Variants in CYB5R4 observed in about 807,000 individuals in gnomAD.
CYB5R4 encodes the protein N-terminal cytochrome b5 and cytochrome b5 oxidoreductase domain-containing protein.
In CYB5R4, 55 loss-of-function variants were observed where a neutral mutation model predicts 70.2. That is an observed-to-expected ratio of 0.78 (90% CI 0.63 to 0.98). The LOEUF is 0.98. Among genes scored for constraint, CYB5R4 ranks in the 50% least tolerant of loss-of-function variants. The pLI is 0.00. For synonymous variants in CYB5R4, 197 were observed against 199.5 expected, an observed-to-expected ratio of 0.99 and a Z score of 0.11; for missense variants, 562 against 612.6, an observed-to-expected ratio of 0.92 and a Z score of 0.87.
At chr6:83,887,528 A>G (rs1334089512) in intron 2 of CYB5R4, among the ~76,000 whole-genome samples, 1 of 152,172 alleles carries the variant, frequency 6.6e-6, no homozygotes, top group Non-Finnish European at 1.5e-5. Context: ...ATTGTTCTGA[A>G]TATGTGTTTT....
chr6:83,904,269 T>A (rs2099463421), intron 3 of CYB5R4, among the ~76,000 whole-genome samples: 1 of 152,196 alleles, frequency 6.6e-6, no homozygotes, highest in South Asian at 2.1e-4. Flanking sequence ...GAAATTTTTT[T>A]ATTTCCATTT....
At chr6:83,957,692 G>A (rs905654440) in intron 15 of CYB5R4, among the ~76,000 whole-genome samples, 1 of 150,930 alleles carries the variant, frequency 6.6e-6, no homozygotes, top group Non-Finnish European at 1.5e-5. Context: ...TTACCTCAGA[G>A]CCAATCTTTC....
Position 83,959,903 on chromosome 6 carries a change from T to G in CYB5R4, c.*25T>G. The G allele has an allele frequency of 6.4e-7, 1 of 1,553,192 alleles. No homozygotes were observed. Among genetic ancestry groups the G allele is most frequent in the Non-Finnish European group, 8.7e-7 (1 of 1,149,100 alleles). The stretch of plus-strand genomic sequence containing the variant: ...ATGAAGAGCTGTCATTGTCCTTTAT[T>G]CAACTAGTTTATCTAAATTTGTGAT... On this transcript the variant is annotated 3_prime_UTR_variant, in exon 16 of 16. Transcript: ENST00000369681.
At chr6:83,940,029 T>C in intron 12 of CYB5R4, 27 bp from the exon 13 acceptor site, 1 of 1,421,434 alleles carries the variant, frequency 7.0e-7, no homozygotes, top group Non-Finnish European at 9.5e-7. Context: ...TTTTTTTTTC[T>C]GATTTAGCTT....
At chr6:83,944,432 G>T (rs2099470248) in intron 14 of CYB5R4, among the ~76,000 whole-genome samples, 1 of 152,070 alleles carries the variant, frequency 6.6e-6, no homozygotes, top group Non-Finnish European at 1.5e-5. Context: ...GTTCCTGAAG[G>T]AAGTACTAAA....
intron 3 of CYB5R4, among the ~76,000 whole-genome samples, chr6:83,899,919 C>T (rs1204196332): frequency 6.6e-6 from 1 of 152,062 alleles, no homozygotes; most frequent in Non-Finnish European, 1.5e-5. Flanking sequence ...AAAACCAGCT[C>T]CTGGATTCAT....
chr6:83,929,443 T>C (rs959233981), intron 10 of CYB5R4: 1 of 152,246 alleles, frequency 6.6e-6, no homozygotes, highest in Admixed American at 6.5e-5. Flanking sequence ...GAAGGATTCA[T>C]ATATCAGAAA....
chr6:83,879,501 C>T (rs911693005), intron 2 of CYB5R4, among the ~76,000 whole-genome samples: 1 of 152,018 alleles, frequency 6.6e-6, no homozygotes, highest in East Asian at 1.9e-4. Flanking sequence ...GGCTTTACTG[C>T]CCCTTTCCAT....
chr6:83,943,066 G>C (rs1248492044), intron 14 of CYB5R4, among the ~76,000 whole-genome samples: 1 of 152,152 alleles, frequency 6.6e-6, no homozygotes, highest in Non-Finnish European at 1.5e-5. Flanking sequence ...CTGCTTGCTG[G>C]CTCTGAAGAG....
At position 83,964,760 on chromosome 6, in the gene CYB5R4, G is replaced by T. The variant is rs2099473816; in HGVS notation, c.*4882G>T. 1 of 152,192 alleles carries T rather than the reference G, an allele frequency of 6.6e-6. No individual in the cohort carries two copies. The highest frequency in any genetic ancestry group is 1.5e-5 in the Non-Finnish European group (1 of 68,056). 9.4% of individuals were successfully genotyped at this position (152,192 alleles called of 1,614,324 possible). On this transcript the variant is annotated 3_prime_UTR_variant, in exon 16 of 16. Transcript: ENST00000369681. ...AGCCTCTTCTATCACAGACCTGGAG[G>T]TCTAGGAAGAAAAAATGGTAAAAAT...
chr6:83,965,771 T>C lies in CYB5R4; in HGVS notation c.*5893T>C, dbSNP rs888025276. 1 of 152,274 alleles carries C rather than the reference T, an allele frequency of 6.6e-6. No homozygotes were observed. Among genetic ancestry groups the C allele is most frequent in the East Asian group, 1.9e-4 (1 of 5,174 alleles). The allele number at this position is 152,274 out of a possible 1,614,324, so 9.4% of individuals were successfully genotyped here. ...TTGAATTATACTCCCATAATTCCCATGTGTTATACGTGGGACCTGGTGGGA... is the reference window on the plus strand; with the variant it reads ...TTGAATTATACTCCCATAATTCCCACGTGTTATACGTGGGACCTGGTGGGA... On this transcript the variant is annotated 3_prime_UTR_variant, in exon 16 of 16. Transcript: ENST00000369681.
chr6:83,926,858 A>G lies in CYB5R4; in HGVS notation c.814+2266A>G, dbSNP rs75910779. Among the ~76,000 whole-genome samples, 339 of 152,298 alleles carry G rather than the reference A, an allele frequency of 2.2e-3. 3 individuals are homozygous for G. The highest frequency in any genetic ancestry group is 7.7e-3 in the African/African-American group (321 of 41,568). On this transcript the variant is annotated intron_variant, in intron 10 of 15. Transcript: ENST00000369681. The stretch of plus-strand genomic sequence containing the variant: ...TTAAATGAACTTGTATTGAGAAAGT[A>G]ATTTTAATTCTACCTTGACTCTGAT...
At chr6:83,889,809 G>A (rs1345730576) in intron 2 of CYB5R4, among the ~76,000 whole-genome samples, 1 of 152,186 alleles carries the variant, frequency 6.6e-6, no homozygotes, top group Non-Finnish European at 1.5e-5. Context: ...CATGACAGAA[G>A]GCAAAGCAGG....
chr6:83,925,864 A>G (rs987788742), intron 10 of CYB5R4, among the ~76,000 whole-genome samples: 1 of 152,078 alleles, frequency 6.6e-6, no homozygotes, highest in African/African-American at 2.4e-5. Flanking sequence ...ACTTTCTGCA[A>G]GATGTCTTCA....
chr6:83,948,980 C>G (rs1588586423), intron 14 of CYB5R4, among the ~76,000 whole-genome samples: 1 of 152,090 alleles, frequency 6.6e-6, no homozygotes. Context: ...TCTTCTTGCT[C>G]TCCCTTGCTG....
At position 83,868,312 on chromosome 6, in the gene CYB5R4, G is replaced by C. The variant is rs937236800; in HGVS notation, c.229+3984G>C. Among the ~76,000 whole-genome samples, 29 of 152,144 alleles carry C rather than the reference G, an allele frequency of 1.9e-4. 1 individual carries two copies. Among genetic ancestry groups the C allele is most frequent in the African/African-American group, 7.0e-4 (29 of 41,432 alleles). On this transcript the variant is annotated intron_variant, in intron 2 of 15. Coordinates refer to ENST00000369681, the MANE Select transcript of CYB5R4 (RefSeq NM_016230.4). ...GGAAATCTTAGAAAATATACAATTT[G>C]GTATGGGTTTTTATGACTAATATTT...
intron 3 of CYB5R4, among the ~76,000 whole-genome samples, chr6:83,901,455 G>A (rs901288009): frequency 1.6e-4 from 25 of 152,162 alleles, no homozygotes; most frequent in Middle Eastern, 3.4e-3. Flanking sequence ...TGCTCTTCTC[G>A]AGGAGTATCT....
At chr6:83,876,524 AG>A (rs1274715109) in intron 2 of CYB5R4, among the ~76,000 whole-genome samples, 7 of 150,130 alleles carry the variant, frequency 4.7e-5, no homozygotes, top group Admixed American at 1.3e-4. Flanking sequence ...AGCTGCTCTA[AG>A]GGTTTATGAT....
At chr6:83,942,759 A>G (rs187606058) in intron 14 of CYB5R4, among the ~76,000 whole-genome samples, 1 of 152,054 alleles carries the variant, frequency 6.6e-6, no homozygotes, top group Non-Finnish European at 1.5e-5. Context: ...TTGATGGGGG[A>G]CACTTGAGCC....
Sources: gnomAD v4.1 joint callset for allele counts (sites outside exome capture counted in the v4.1 genomes callset) on GRCh38, gnomAD v4.1.1 for gene constraint, MANE v1.5 for transcripts, NCBI Gene and HGNC (gene_info 2026-07-23, HGNC 2026-07-21) for gene names.